GSE1: variants seen among roughly 807,000 people sequenced by gnomAD.
GSE1 encodes the protein genetic suppressor element 1.
In GSE1, 32 loss-of-function variants were observed where a neutral mutation model predicts 112.6. That is an observed-to-expected ratio of 0.28 (90% CI 0.21 to 0.38). GSE1 has a LOEUF of 0.38. Among genes scored for constraint, GSE1 ranks in the 10% least tolerant of loss-of-function variants. The pLI is 1.00. For missense variants in GSE1, 2,348 were observed against 1,699.2 expected (o/e 1.38, Z -6.71); for synonymous variants, 1,115 against 735.6 (o/e 1.52, Z -8.35).
chr16:85,395,346 G>T (rs764326987), intron 2 of GSE1, among the ~76,000 whole-genome samples: 8 of 152,192 alleles, frequency 5.3e-5, no homozygotes, highest in Non-Finnish European at 1.2e-4. Flanking sequence ...CAGCTAAGAT[G>T]ATCGCGCCCT....
chr16:85,181,133 C>G (rs1339184828), intron 1 of GSE1, among the ~76,000 whole-genome samples: 1 of 152,244 alleles, frequency 6.6e-6, no homozygotes, highest in Non-Finnish European at 1.5e-5. Context: ...ACAGGGTCCG[C>G]TGGCCCCGGG....
Position 85,582,871 on chromosome 16 carries a change from T to G in GSE1, c.37+26508T>G, listed in dbSNP as rs1009736863. On this transcript the variant is annotated intron_variant, in intron 1 of 2. Transcript: ENST00000635906. ...AGGCAGCACAAACTGTGGCATTTGC[T>G]GAGCGTAAAAATTCAATTAATTCCA... Among the ~76,000 whole-genome samples, 4 of 152,354 alleles carry G rather than the reference T, an allele frequency of 2.6e-5. No homozygotes were observed. The East Asian group carries it at 7.7e-4, about 29-fold the overall frequency.
intron 1 of GSE1, among the ~76,000 whole-genome samples, chr16:85,181,980 C>G (rs944860979): frequency 8.5e-5 from 13 of 152,220 alleles, no homozygotes; most frequent in African/African-American, 3.1e-4. Flanking sequence ...CGGCTGTACA[C>G]TGTTCTTTCT....
At chr16:85,226,758 GGTGTGTGTGTGT>G (rs55999145) in intron 1 of GSE1, among the ~76,000 whole-genome samples, 7,221 of 104,916 alleles carry the variant, frequency 0.069, 303 homozygotes, top group South Asian at 0.093. Context: ...TGCCTGGACT[GGTGTGTGTGTGT>G]GTGTGTGTGT....
At chr16:85,342,629 C>T (rs573217190) in intron 1 of GSE1, among the ~76,000 whole-genome samples, 16 of 152,288 alleles carry the variant, frequency 1.1e-4, no homozygotes, top group South Asian at 8.3e-4. Flanking sequence ...AGGTTCAAGG[C>T]GCACCAGGGC....
upstream of GSE1, among the ~76,000 whole-genome samples, chr16:85,608,808 G>C (rs1407255212): frequency 6.6e-6 from 1 of 152,188 alleles, no homozygotes; most frequent in Middle Eastern, 3.2e-3. Context: ...TTTACCTCCT[G>C]GCCCACGGAC....
rs115863853 is a variant in GSE1 at position 85,590,180 on chromosome 16, A to G, written c.37+33817A>G. 3.0e-3 allele frequency among the ~76,000 whole-genome samples: 453 copies of G among 151,918 alleles called. 3 individuals are homozygous for G. The highest frequency in any genetic ancestry group is 0.01 in the African/African-American group (432 of 41,448). ...TGAGTGAATGTGTGTGACATTGTGT[A>G]TGTCACTGAATGAATGTGTGTGATT... On this transcript the variant is annotated intron_variant, in intron 1 of 2. Transcript: ENST00000635906.
intron 1 of GSE1, among the ~76,000 whole-genome samples, chr16:85,350,455 A>T (rs1209798663): frequency 6.6e-6 from 1 of 152,238 alleles, no homozygotes; most frequent in South Asian, 2.1e-4. Flanking sequence ...CTAGACTGTC[A>T]TGGGGCTCCA....
chr16:85,485,355 C>G (rs561645815), intron 2 of GSE1, among the ~76,000 whole-genome samples: 1 of 152,310 alleles, frequency 6.6e-6, no homozygotes, highest in Non-Finnish European at 1.5e-5. Flanking sequence ...CCCGTGCAGC[C>G]GTTGTACAGC....
intron 1 of GSE1, among the ~76,000 whole-genome samples, chr16:85,325,111 G>T (rs1276544355): frequency 6.6e-6 from 1 of 152,036 alleles, no homozygotes; most frequent in African/African-American, 2.4e-5. Flanking sequence ...TGGGACTACA[G>T]GTGCATGCCA....
At chr16:85,550,762 G>A (rs925524644) in intron 2 of GSE1, among the ~76,000 whole-genome samples, 1 of 152,178 alleles carries the variant, frequency 6.6e-6, no homozygotes, top group Non-Finnish European at 1.5e-5. Flanking sequence ...TCCGTGCTGT[G>A]GCAAAGACAG....
upstream of GSE1, among the ~76,000 whole-genome samples, chr16:85,552,124 C>T (rs1409390574): frequency 1.3e-5 from 2 of 151,854 alleles, no homozygotes; most frequent in African/African-American, 4.8e-5. Flanking sequence ...CTTCAGGGTT[C>T]ACACCATTCT....
intron 2 of GSE1, among the ~76,000 whole-genome samples, chr16:85,535,415 C>T (rs913620048): frequency 7.9e-5 from 12 of 152,242 alleles, no homozygotes; most frequent in African/African-American, 2.4e-4. Context: ...TTCTCTACCC[C>T]GCCTGGGTTA....
intron 8 of GSE1, among the ~76,000 whole-genome samples, chr16:85,660,473 C>T (rs1374504816): frequency 6.6e-6 from 1 of 152,052 alleles, no homozygotes; most frequent in African/African-American, 2.4e-5. Context: ...CCTATCTCTA[C>T]TAAATAGGAA....
chr16:85,559,256 C>T (rs2045398307), intron 1 of GSE1, among the ~76,000 whole-genome samples: 3 of 152,338 alleles, frequency 2.0e-5, no homozygotes, highest in South Asian at 2.1e-4. Flanking sequence ...TGCCATCCAC[C>T]CACTTATCAG....
At chr16:85,536,111 G>A (rs910660753) in intron 2 of GSE1, among the ~76,000 whole-genome samples, 6 of 152,236 alleles carry the variant, frequency 3.9e-5, no homozygotes, top group African/African-American at 1.4e-4. Context: ...GAATGTCCCA[G>A]GGAAACGGTC....
At chr16:85,417,933 G>C (rs1201395724) in intron 2 of GSE1, among the ~76,000 whole-genome samples, 2 of 152,194 alleles carry the variant, frequency 1.3e-5, no homozygotes, top group African/African-American at 4.8e-5. Flanking sequence ...TCCGCCTCCC[G>C]AGTTCAAGCG....
rs544494872 is a variant in GSE1, at chr16:85,222,328, C to T, written c.2283+50521C>T. On this transcript the variant is annotated intron_variant, in intron 1 of 2. Transcript: ENST00000637419. ...GGGGCCAGCGCACGGCTCTCCAGCC[C>T]AGGCAGGCCTCGGCATTGGTGGAGA... is the stretch of plus-strand genomic sequence containing the variant. Among the ~76,000 whole-genome samples the T allele has an allele frequency of 2.0e-5, 3 of 152,228 alleles. No individual in the cohort carries two copies. In the South Asian group the frequency reaches 6.2e-4, roughly 32 times the overall value.
At chr16:85,505,436 G>T (rs939998287) in intron 2 of GSE1, among the ~76,000 whole-genome samples, 7 of 152,132 alleles carry the variant, frequency 4.6e-5, no homozygotes, top group Non-Finnish European at 1.0e-4. Flanking sequence ...GCTGGGGAGG[G>T]TCACAGAAGA....
Sources: gnomAD v4.1 joint callset for allele counts (sites outside exome capture counted in the v4.1 genomes callset) on GRCh38, gnomAD v4.1.1 for gene constraint, MANE v1.5 for transcripts, NCBI Gene and HGNC (gene_info 2026-07-23, HGNC 2026-07-21) for gene names.